The following SEC14L1 variants were observed in gnomAD, a reference collection of about 807,000 sequenced individuals.
The protein encoded by SEC14L1 is SEC14-like protein 1.
SEC14L1 carries 48 observed loss-of-function variants against 85.3 expected under a neutral mutation model. The ratio of observed to expected loss-of-function variants is 0.56; its 90% CI spans 0.45 to 0.72. The LOEUF is 0.72. SEC14L1 is among the 30% of genes least tolerant of loss of function. The pLI, the probability that SEC14L1 is intolerant of heterozygous loss-of-function variation, is 0.00. For missense variants in SEC14L1, 682 were observed against 921.4 expected (o/e 0.74, Z 3.36); for synonymous variants, 391 against 355.5 (o/e 1.10, Z -1.12).
In SEC14L1 at chr17:77,114,243, G is replaced by A. The variant is rs188169633; in HGVS notation, c.-136+20896G>A. On this transcript the variant is annotated intron_variant, in intron 3 of 19. Coordinates refer to the SEC14L1 transcript ENST00000392476. ...CCACATGATTCAAAAGGCAGGCACT[G>A]GCTGGGCAAGGTGGCTCACGCCTGT... Among the ~76,000 whole-genome samples, 9 of 152,332 alleles carry A rather than the reference G, an allele frequency of 5.9e-5. No homozygotes were observed. In the East Asian group the frequency reaches 1.7e-3, roughly 29 times the overall value.
chr17:77,154,017 C>T lies in SEC14L1; in HGVS notation c.63+10358C>T, dbSNP rs142386712. On this transcript the variant is annotated intron_variant, in intron 3 of 16. Transcript: ENST00000436233. ...CAGCAGCCCTCTGTATCCTTGTGTT[C>T]TGCACCCACAGATACAACCAACCGT... Among the ~76,000 whole-genome samples, 469 of 152,236 alleles carry T rather than the reference C, an allele frequency of 3.1e-3. 2 individuals are homozygous for T. Among genetic ancestry groups the T allele is most frequent in the African/African-American group, 0.011 (439 of 41,526 alleles).
intron 3 of SEC14L1, among the ~76,000 whole-genome samples, chr17:77,095,426 G>A (rs1005763070): frequency 6.6e-6 from 1 of 152,164 alleles, no homozygotes; most frequent in Non-Finnish European, 1.5e-5. Context: ...CACCTTCAGG[G>A]TGCCACCTTG....
intron 3 of SEC14L1, among the ~76,000 whole-genome samples, chr17:77,182,371 C>T (rs544343956): frequency 6.6e-6 from 1 of 152,272 alleles, no homozygotes; most frequent in African/African-American, 2.4e-5. Flanking sequence ...AAATTGCAGG[C>T]TCAGAAATCC....
chr17:77,135,769 G>A lies in SEC14L1; in HGVS notation c.-135-6877G>A, dbSNP rs144820364. Among the ~76,000 whole-genome samples the A allele has an allele frequency of 3.5e-3, 534 of 152,174 alleles. 3 individuals are homozygous for A. The highest frequency in any genetic ancestry group is 0.019 in the South Asian group (90 of 4,810). On this transcript the variant is annotated intron_variant, in intron 3 of 19. Coordinates refer to the SEC14L1 transcript ENST00000392476. Reference sequence around the variant, plus strand: ...TTGTCCAGGCTGGTCTGGAACTCCTGGGCTCAAGCAATCCTTCCAACTTGG... The same window carrying A: ...TTGTCCAGGCTGGTCTGGAACTCCTAGGCTCAAGCAATCCTTCCAACTTGG...
intron 3 of SEC14L1, among the ~76,000 whole-genome samples, chr17:77,107,986 C>G (rs1971954962): frequency 6.6e-6 from 1 of 152,058 alleles, no homozygotes; most frequent in South Asian, 2.1e-4. Context: ...TCCAGCGATC[C>G]TCTCACCTCC....
rs1286916919 is a variant in SEC14L1, at chr17:77,206,512, A to G, written c.1341+112A>G. 1.5e-6 allele frequency: 2 copies of G among 1,341,640 alleles called. No homozygotes were observed. Among genetic ancestry groups the G allele is most frequent in the Non-Finnish European group, 1.0e-6 (1 of 987,124 alleles). The allele number at this position is 1,341,640 out of a possible 1,614,324, so 83.1% of individuals were successfully genotyped here. A position where few individuals can be genotyped will look rare whatever the true frequency, so the allele number is the denominator to read the frequency against. On this transcript the variant is annotated intron_variant, in intron 12 of 16. Coordinates refer to ENST00000436233, the MANE Select transcript of SEC14L1 (RefSeq NM_001143998.2). This position sits in a 1 kb window ranked among gnomAD's most constrained non-coding sequence, Gnocchi z 4.3. The stretch of plus-strand genomic sequence containing the variant: ...TCTTAACTTCTTAGGAAAAAAAACA[A>G]TAACATGCAAAGATATAAAATTTCT...
At chr17:77,105,139 G>T (rs780633432) in intron 3 of SEC14L1, among the ~76,000 whole-genome samples, 2 of 152,034 alleles carry the variant, frequency 1.3e-5, no homozygotes, top group African/African-American at 4.8e-5. Flanking sequence ...TGAGCAGGGG[G>T]GCGACTTTGA....
chr17:77,208,923 A>T (rs1204984811), intron 13 of SEC14L1, among the ~76,000 whole-genome samples: 1 of 152,252 alleles, frequency 6.6e-6, no homozygotes, highest in Non-Finnish European at 1.5e-5. Flanking sequence ...AACATTATTC[A>T]TTGATTCTGT....
At chr17:77,128,430 A>T (rs375861334) in intron 3 of SEC14L1, among the ~76,000 whole-genome samples, 49 of 52,274 alleles carry the variant, frequency 9.4e-4, no homozygotes, top group South Asian at 2.6e-3. Flanking sequence ...ATTTTATTTT[A>T]TTTTATTTTA....
intron 3 of SEC14L1, among the ~76,000 whole-genome samples, chr17:77,106,826 G>C (rs1285209877): frequency 6.6e-6 from 1 of 151,960 alleles, no homozygotes; most frequent in Non-Finnish European, 1.5e-5. Context: ...AACAGAGTGA[G>C]ACCCTTTCTC....
intron 3 of SEC14L1, among the ~76,000 whole-genome samples, chr17:77,107,996 C>T (rs961665829): frequency 5.3e-5 from 8 of 152,154 alleles, no homozygotes; most frequent in South Asian, 4.1e-4. Context: ...CTCTCACCTC[C>T]GCCTCCCAAA....
chr17:77,090,321 C>T (rs1031319096), intron 2 of SEC14L1, among the ~76,000 whole-genome samples: 2 of 150,710 alleles, frequency 1.3e-5, no homozygotes, highest in Non-Finnish European at 3.0e-5. Flanking sequence ...TAATTCAAGC[C>T]AAAGTGAGTG....
chr17:77,152,952 A>G (rs1973629844), intron 3 of SEC14L1, among the ~76,000 whole-genome samples: 1 of 152,156 alleles, frequency 6.6e-6, no homozygotes, highest in African/African-American at 2.4e-5. Flanking sequence ...TGTCCTGTTC[A>G]GTTACCTTAA....
At chr17:77,184,028 C>T (rs1040572550) in intron 3 of SEC14L1, among the ~76,000 whole-genome samples, 1 of 152,124 alleles carries the variant, frequency 6.6e-6, no homozygotes, top group African/African-American at 2.4e-5. Flanking sequence ...TCAGGTGATT[C>T]GCTTGCCTTG....
chr17:77,195,644 C>T (rs933166517), intron 7 of SEC14L1, among the ~76,000 whole-genome samples: 1 of 152,046 alleles, frequency 6.6e-6, no homozygotes, highest in Non-Finnish European at 1.5e-5. Flanking sequence ...TGCACCGCCA[C>T]GCCTGACTAA....
Position 77,215,675 on chromosome 17 carries a change from T to C in SEC14L1, c.*1652T>C. The C allele has an allele frequency of 1.0e-6, 1 of 992,476 alleles. No individual in the cohort carries two copies. Among genetic ancestry groups the C allele is most frequent in the Non-Finnish European group, 1.2e-6 (1 of 833,368 alleles). The allele number at this position is 992,476 out of a possible 1,614,324, so 61.5% of individuals were successfully genotyped here. ...TTGTGTTTGCTCTTAGAGATCGAGCTCCTCAGTGGTACCTGAAGCCTTTGC... is the reference window on the plus strand; with the variant it reads ...TTGTGTTTGCTCTTAGAGATCGAGCCCCTCAGTGGTACCTGAAGCCTTTGC... On this transcript the variant is annotated 3_prime_UTR_variant, in exon 17 of 17. Transcript: ENST00000436233.
chr17:77,107,115 G>C (rs1971931780), intron 3 of SEC14L1, among the ~76,000 whole-genome samples: 1 of 152,192 alleles, frequency 6.6e-6, no homozygotes, highest in African/African-American at 2.4e-5. Flanking sequence ...TGAGAGTCTG[G>C]GGCAGGGGAG....
upstream of SEC14L1, among the ~76,000 whole-genome samples, chr17:77,136,494 C>T (rs980660213): frequency 6.6e-6 from 1 of 152,154 alleles, no homozygotes; most frequent in Non-Finnish European, 1.5e-5. Context: ...ACATCCTTTG[C>T]TTCTTTCTTA....
chr17:77,211,833 G>C, intron 14 of SEC14L1, 117 bp from the exon 15 acceptor site: 1 of 1,334,432 alleles, frequency 7.5e-7, no homozygotes, highest in Non-Finnish European at 1.0e-6. Context: ...CGCATTCAGC[G>C]TTTCCCTCCC....
Sources: gnomAD v4.1 joint callset for allele counts (sites outside exome capture counted in the v4.1 genomes callset) on GRCh38, gnomAD v4.1.1 for gene constraint, Gnocchi (gnomAD v3.1) non-coding constraint, MANE v1.5 for transcripts, NCBI Gene and HGNC (gene_info 2026-07-23, HGNC 2026-07-21) for gene names.